The following PIK3C2G variants were observed in gnomAD, a reference collection of about 807,000 sequenced individuals.
PIK3C2G encodes phosphatidylinositol-4-phosphate 3-kinase catalytic subunit type 2 gamma.
Under a neutral mutation model 181.1 loss-of-function variants are expected in PIK3C2G, and 168 were observed. That is an observed-to-expected ratio of 0.93 (90% CI 0.82 to 1.05). The LOEUF is 1.05. PIK3C2G is among the 50% of genes least tolerant of loss of function. PIK3C2G has a pLI of 0.00. For missense variants in PIK3C2G, 1,869 were observed against 1,732.8 expected, an observed-to-expected ratio of 1.08 and a Z score of -1.40; for synonymous variants, 573 against 592.2, an observed-to-expected ratio of 0.97 and a Z score of 0.47.
chr12:18,354,150 T>C (rs879140579), intron 11 of PIK3C2G, among the ~76,000 whole-genome samples: 1 of 152,270 alleles, frequency 6.6e-6, no homozygotes, highest in Admixed American at 6.5e-5. Flanking sequence ...AGAGTTCAAA[T>C]ACTTGGGTTA....
At chr12:18,327,204 C>A (rs569309720) in intron 8 of PIK3C2G, among the ~76,000 whole-genome samples, 1 of 151,994 alleles carries the variant, frequency 6.6e-6, no homozygotes, top group Non-Finnish European at 1.5e-5. Context: ...ACAATGAGTT[C>A]TTTAATGAGA....
intron 18 of PIK3C2G, among the ~76,000 whole-genome samples, chr12:18,428,764 G>T (rs1036111002): frequency 1.3e-5 from 2 of 152,156 alleles, no homozygotes; most frequent in Non-Finnish European, 2.9e-5. Flanking sequence ...CAAGGCAAGT[G>T]AGTTAACTAG....
chr12:18,524,028 AC>A (rs1943076718), intron 24 of PIK3C2G, among the ~76,000 whole-genome samples: 1 of 151,240 alleles, frequency 6.6e-6, no homozygotes, highest in Non-Finnish European at 1.5e-5. Flanking sequence ...ATGAAGAGCA[AC>A]CCCCACAATC....
At chr12:18,398,278 T>A (rs1944013688) in intron 15 of PIK3C2G, among the ~76,000 whole-genome samples, 1 of 152,200 alleles carries the variant, frequency 6.6e-6, no homozygotes, top group African/African-American at 2.4e-5. Context: ...TGTTCAGTAT[T>A]GGGGAAAAAA....
chr12:18,571,597 G>T (rs1401355428), intron 29 of PIK3C2G, among the ~76,000 whole-genome samples: 1 of 150,642 alleles, frequency 6.6e-6, no homozygotes, highest in African/African-American at 2.5e-5. Context: ...TAACGTTCAC[G>T]TGTCTCTCCT....
chr12:18,613,515 T>C (rs1948448176), intron 31 of PIK3C2G, among the ~76,000 whole-genome samples: 1 of 152,066 alleles, frequency 6.6e-6, no homozygotes, highest in Non-Finnish European at 1.5e-5. Flanking sequence ...TTTAAACTCT[T>C]CTTTTACATT....
chr12:18,438,719 T>C (rs188576332), intron 18 of PIK3C2G, among the ~76,000 whole-genome samples: 225 of 151,912 alleles, frequency 1.5e-3, no homozygotes, highest in Non-Finnish European at 2.5e-3. Flanking sequence ...GATAGAATAA[T>C]GTAATAGAGG....
chr12:18,488,397 T>C, intron 18 of PIK3C2G, 52 bp from the exon 19 acceptor site: 6 of 1,301,970 alleles, frequency 4.6e-6, no homozygotes, highest in Non-Finnish European at 6.1e-6. Context: ...CTGGATGTGG[T>C]TTAAAAAATT....
At chr12:18,569,122 A>G (rs1204971437) in intron 29 of PIK3C2G, among the ~76,000 whole-genome samples, 2 of 152,032 alleles carry the variant, frequency 1.3e-5, no homozygotes, top group African/African-American at 4.8e-5. Context: ...GTGACCCTTT[A>G]TGACTTCCAA....
chr12:18,295,096 C>A (rs974531308), intron 5 of PIK3C2G, among the ~76,000 whole-genome samples: 1 of 149,206 alleles, frequency 6.7e-6, no homozygotes. Flanking sequence ...ATTTCAATAG[C>A]ATTTTTATAA....
chr12:18,310,083 C>A (rs1036478263), intron 5 of PIK3C2G, among the ~76,000 whole-genome samples: 3 of 151,720 alleles, frequency 2.0e-5, no homozygotes, highest in African/African-American at 7.2e-5. Flanking sequence ...AAAGGAGAGC[C>A]ATTAAAATCT....
chr12:18,358,016 CT>C (rs1426775943), intron 11 of PIK3C2G, among the ~76,000 whole-genome samples: 26 of 152,150 alleles, frequency 1.7e-4, no homozygotes, highest in African/African-American at 6.3e-4. Context: ...CATTTAGATT[CT>C]TTCTACATCA....
At chr12:18,559,121 C>G (rs1347972764) in intron 26 of PIK3C2G, among the ~76,000 whole-genome samples, 1 of 152,190 alleles carries the variant, frequency 6.6e-6, no homozygotes, top group Non-Finnish European at 1.5e-5. Context: ...GGGAGGAGCA[C>G]TGGCCTCCTG....
intron 8 of PIK3C2G, among the ~76,000 whole-genome samples, chr12:18,330,736 C>A (rs1177366740): frequency 2.6e-5 from 4 of 152,114 alleles, no homozygotes; most frequent in Non-Finnish European, 1.5e-5. Flanking sequence ...CTCCTGCACA[C>A]GACTAACTGC....
At chr12:18,608,492 G>A (rs1414032938) in intron 30 of PIK3C2G, among the ~76,000 whole-genome samples, 1 of 147,680 alleles carries the variant, frequency 6.8e-6, no homozygotes, top group Non-Finnish European at 1.5e-5. Flanking sequence ...TCACTCATAG[G>A]TGGGAATTGA....
At chr12:18,724,502 A>G in the PIK3C2G span, among the ~76,000 whole-genome samples, 1 of 152,128 alleles carries the variant, frequency 6.6e-6, no homozygotes, top group Non-Finnish European at 1.5e-5. Context: ...TACATTGTAA[A>G]CAGCTTGAAT....
At chr12:18,674,401 T>TG in the PIK3C2G span, among the ~76,000 whole-genome samples, 71,127 of 151,928 alleles carry the variant, frequency 0.47, 17,418 homozygotes, top group South Asian at 0.61. Flanking sequence ...TTTATGACAG[T>TG]GGAAGCGTGT....
intron 6 of PIK3C2G, 55 bp downstream of exon 6, chr12:18,314,119 T>C: frequency 9.2e-6 from 8 of 869,906 alleles, no homozygotes; most frequent in Non-Finnish European, 1.5e-5. Flanking sequence ...TTAAGGACAA[T>C]ATTTCTAATT....
chr12:18,558,740 T>C (rs1414712766), intron 26 of PIK3C2G, among the ~76,000 whole-genome samples: 3 of 152,212 alleles, frequency 2.0e-5, no homozygotes, highest in Non-Finnish European at 4.4e-5. Context: ...CATCTTTCAG[T>C]GAGATGAGCA....
Sources: allele counts gnomAD v4.1 joint callset (sites outside exome capture counted in the v4.1 genomes callset), GRCh38; gene constraint gnomAD v4.1.1; transcripts MANE v1.5; gene names NCBI Gene and HGNC (gene_info 2026-07-23, HGNC 2026-07-21).